Variants in QKI observed in about 807,000 individuals in gnomAD.
QKI encodes KH domain-containing RNA-binding protein QKI.
Under a neutral mutation model 39.0 loss-of-function variants are expected in QKI, and 10 were observed. That is an observed-to-expected ratio of 0.26 (90% CI 0.16 to 0.43). The LOEUF (loss-of-function observed/expected upper bound fraction) is 0.43, where lower values mean the gene tolerates loss of function less well. Ranked by LOEUF, QKI falls within the 20% of genes least tolerant of loss-of-function variation. The pLI, the probability that QKI is intolerant of heterozygous loss-of-function variation, is 1.00. For synonymous variants in QKI, 204 were observed against 155.4 expected (o/e 1.31, Z -2.33); for missense variants, 218 against 428.0 (o/e 0.51, Z 4.33).
chr6:163,454,979 A>C (rs1790817472), intron 1 of QKI, among the ~76,000 whole-genome samples: 1 of 152,234 alleles, frequency 6.6e-6, no homozygotes, highest in African/African-American at 2.4e-5. Context: ...AGACTTGGAA[A>C]AATTAGATGA....
intron 2 of QKI, among the ~76,000 whole-genome samples, chr6:163,456,904 C>T (rs1790963527): frequency 6.6e-6 from 1 of 152,038 alleles, no homozygotes; most frequent in Admixed American, 6.6e-5. Context: ...TGGTGCCTCC[C>T]AGACTTTATC....
rs543749900 is a variant in QKI, at chr6:163,428,230, G to T, written c.142+12895G>T. Among the ~76,000 whole-genome samples, 5 of 152,262 alleles carry T rather than the reference G, an allele frequency of 3.3e-5. No homozygotes were observed. In the East Asian group the frequency reaches 9.6e-4, roughly 29 times the overall value. ...TGTCTTTTTAAGAGACTATATGTTG[G>T]TATGTTGACCATATTAAATGTAACT... is the stretch of plus-strand genomic sequence containing the variant. On this transcript the variant is annotated intron_variant, in intron 1 of 7. Coordinates refer to ENST00000361752, the MANE Select transcript of QKI (RefSeq NM_006775.3).
chr6:163,567,814 A>G (rs1484783728), intron 7 of QKI: 1 of 985,188 alleles, frequency 1.0e-6, no homozygotes, highest in African/African-American at 1.7e-5. Flanking sequence ...TGGAGGAAAA[A>G]GTGCTGGATT....
intron 3 of QKI, among the ~76,000 whole-genome samples, chr6:163,503,703 C>G (rs1778922816): frequency 6.6e-6 from 1 of 151,892 alleles, no homozygotes; most frequent in South Asian, 2.1e-4. Context: ...AGTTTGAGGT[C>G]TTACATTTTA....
intron 3 of QKI, among the ~76,000 whole-genome samples, chr6:163,522,890 T>C (rs948985958): frequency 1.3e-5 from 2 of 151,850 alleles, no homozygotes; most frequent in African/African-American, 4.8e-5. Flanking sequence ...ACACTGCAGC[T>C]ATCCACGGTG....
chr6:163,416,432 T>G (rs1787511004), intron 1 of QKI: 1 of 159,664 alleles, frequency 6.3e-6, no homozygotes, highest in African/African-American at 2.4e-5. Context: ...TTTGTTTTTT[T>G]TTCCTGCTTA....
chr6:163,546,619 A>G (rs2128244959), intron 4 of QKI, among the ~76,000 whole-genome samples: 1 of 152,014 alleles, frequency 6.6e-6, no homozygotes, highest in Admixed American at 6.6e-5. Flanking sequence ...ACTACATTTC[A>G]AATGTTTTAG....
intron 5 of QKI, 56 bp from the exon 6 acceptor site, chr6:163,563,364 C>G: frequency 6.9e-7 from 1 of 1,444,904 alleles, no homozygotes. Flanking sequence ...TCTCATTTTT[C>G]CGTATTTTAT....
chr6:163,447,641 G>GT (rs576642360), intron 1 of QKI, among the ~76,000 whole-genome samples: 58 of 152,070 alleles, frequency 3.8e-4, no homozygotes, highest in African/African-American at 1.3e-3. Context: ...AGCATTAGTT[G>GT]TTTTTTCTTT....
rs1217231779 is a variant in QKI, at chr6:163,575,347, A to G, written c.*4637A>G. 1 of 152,244 alleles carries G rather than the reference A, an allele frequency of 6.6e-6. No individual in the cohort carries two copies. The highest frequency in any genetic ancestry group is 1.5e-5 in the Non-Finnish European group (1 of 68,038). 9.4% of individuals were successfully genotyped at this position (152,244 alleles called of 1,614,324 possible). A position where few individuals can be genotyped will look rare whatever the true frequency, so the allele number is the denominator to read the frequency against. On this transcript the variant is annotated 3_prime_UTR_variant, in exon 8 of 8. Transcript: ENST00000361752. The stretch of plus-strand genomic sequence containing the variant: ...GTCATTGCTGCCTTTTATGTAGGAA[A>G]TGTAAAAAAGTTTTAAAAGGCGAAA...
intron 3 of QKI, among the ~76,000 whole-genome samples, chr6:163,519,097 G>A (rs1779999128): frequency 6.6e-6 from 1 of 152,132 alleles, no homozygotes; most frequent in Non-Finnish European, 1.5e-5. Context: ...ATTAATAAAT[G>A]TAGAGAGCTG....
chr6:163,560,790 T>G (rs1316670182), intron 4 of QKI, among the ~76,000 whole-genome samples: 1 of 152,224 alleles, frequency 6.6e-6, no homozygotes, highest in Non-Finnish European at 1.5e-5. Context: ...ATTTGGGCAA[T>G]TAATCTGGCC....
intron 1 of QKI, among the ~76,000 whole-genome samples, chr6:163,448,248 T>C (rs1790293791): frequency 6.6e-6 from 1 of 152,194 alleles, no homozygotes; most frequent in African/African-American, 2.4e-5. Context: ...TTTTGTAGTT[T>C]TTGTTTTTGG....
At chr6:163,549,719 C>G (rs1583204588) in intron 4 of QKI, among the ~76,000 whole-genome samples, 1 of 152,098 alleles carries the variant, frequency 6.6e-6, no homozygotes, top group African/African-American at 2.4e-5. Flanking sequence ...TTCAAAAAAA[C>G]AAACAAAACA....
At chr6:163,544,328 A>G (rs1321277904) in intron 4 of QKI, among the ~76,000 whole-genome samples, 1 of 152,042 alleles carries the variant, frequency 6.6e-6, no homozygotes, top group East Asian at 1.9e-4. Context: ...GCCATTTTAT[A>G]TCATGGACTT....
chr6:163,438,637 C>G (rs1295445665), intron 1 of QKI, among the ~76,000 whole-genome samples: 1 of 151,424 alleles, frequency 6.6e-6, no homozygotes, highest in Non-Finnish European at 1.5e-5. Flanking sequence ...AGAAAAGGTA[C>G]AGTAAAAATG....
chr6:163,566,283 G>T (rs1783358945), intron 6 of QKI: 1 of 1,220,232 alleles, frequency 8.2e-7, no homozygotes. Flanking sequence ...CAATCTGTAG[G>T]CTTTAAGAAT....
At chr6:163,474,359 G>A (rs988271617) in intron 2 of QKI, among the ~76,000 whole-genome samples, 2 of 151,966 alleles carry the variant, frequency 1.3e-5, no homozygotes, top group African/African-American at 4.8e-5. Context: ...TATATGATAG[G>A]AAAGGAAAAT....
At chr6:163,544,676 A>G (rs1781757945) in intron 4 of QKI, among the ~76,000 whole-genome samples, 4 of 152,070 alleles carry the variant, frequency 2.6e-5, no homozygotes, top group Admixed American at 6.6e-5. Flanking sequence ...CAAAATAAAC[A>G]TGGTCTTTTT....
Sources: allele counts gnomAD v4.1 joint callset (sites outside exome capture counted in the v4.1 genomes callset), GRCh38; gene constraint gnomAD v4.1.1; transcripts MANE v1.5; gene names NCBI Gene and HGNC (gene_info 2026-07-23, HGNC 2026-07-21).